The following LRMDA variants were observed in gnomAD, a reference collection of about 807,000 sequenced individuals.
LRMDA encodes leucine rich melanocyte differentiation associated.
LRMDA carries 18 observed loss-of-function variants against 29.8 expected under a neutral mutation model. The observed-to-expected ratio is 0.60, with a 90% confidence interval of 0.42 to 0.90. The LOEUF is 0.90. LRMDA is among the 40% of genes least tolerant of loss of function. LRMDA has a pLI of 0.00. For missense variants in LRMDA, 273 were observed against 273.9 expected (o/e 1.00, Z 0.02); for synonymous variants, 125 against 109.4 (o/e 1.14, Z -0.89).
chr10:76,211,771 A>G (rs1851638194), intron 5 of LRMDA, among the ~76,000 whole-genome samples: 1 of 152,206 alleles, frequency 6.6e-6, no homozygotes, highest in Non-Finnish European at 1.5e-5. Flanking sequence ...GCAATTCCTT[A>G]GTTTGTTGTT....
chr10:75,606,001 G>T (rs1840951681), intron 2 of LRMDA, among the ~76,000 whole-genome samples: 1 of 152,154 alleles, frequency 6.6e-6, no homozygotes, highest in South Asian at 2.1e-4. Flanking sequence ...GTAACTACAG[G>T]TGTGCACCAC....
intron 6 of LRMDA, among the ~76,000 whole-genome samples, chr10:76,503,992 T>C (rs767360906): frequency 3.3e-5 from 5 of 151,820 alleles, no homozygotes; most frequent in Non-Finnish European, 7.4e-5. Flanking sequence ...TTTAACACTG[T>C]TTTAGCTGCA....
At chr10:76,087,372 T>A (rs117737443) in intron 5 of LRMDA, among the ~76,000 whole-genome samples, 1 of 152,324 alleles carries the variant, frequency 6.6e-6, no homozygotes, top group East Asian at 1.9e-4. Flanking sequence ...GGGTTATCTC[T>A]GAGGTTCCTA....
chr10:75,463,382 T>A (rs1048673398), intron 2 of LRMDA, among the ~76,000 whole-genome samples: 1 of 152,024 alleles, frequency 6.6e-6, no homozygotes, highest in African/African-American at 2.4e-5. Flanking sequence ...CGTCAAGGAG[T>A]TCAGTCCATT....
intron 2 of LRMDA, among the ~76,000 whole-genome samples, chr10:75,817,290 A>G (rs1022740015): frequency 3.9e-5 from 6 of 152,196 alleles, no homozygotes; most frequent in African/African-American, 1.4e-4. Flanking sequence ...TTGTTTTAAT[A>G]TAAGGAGGTT....
chr10:76,210,172 T>A (rs1851610710), intron 5 of LRMDA, among the ~76,000 whole-genome samples: 1 of 152,082 alleles, frequency 6.6e-6, no homozygotes, highest in Admixed American at 6.6e-5. Flanking sequence ...ATACACAAAA[T>A]TAAGCATTTC....
At chr10:75,799,259 A>G (rs1303127109) in intron 2 of LRMDA, among the ~76,000 whole-genome samples, 1 of 152,220 alleles carries the variant, frequency 6.6e-6, no homozygotes, top group African/African-American at 2.4e-5. Flanking sequence ...GTGCACACAT[A>G]TTTATGATTC....
chr10:76,536,388 G>A (rs937977765), intron 6 of LRMDA, among the ~76,000 whole-genome samples: 1 of 151,850 alleles, frequency 6.6e-6, no homozygotes, highest in African/African-American at 2.4e-5. Flanking sequence ...CTAGGGTGAT[G>A]GTTCTCAAGG....
At chr10:76,401,227 T>C (rs557369919) in intron 6 of LRMDA, among the ~76,000 whole-genome samples, 10 of 152,252 alleles carry the variant, frequency 6.6e-5, no homozygotes, top group Middle Eastern at 3.4e-3. Flanking sequence ...AGTGACTCAA[T>C]GGATGGTATG....
intron 5 of LRMDA, among the ~76,000 whole-genome samples, chr10:76,225,666 G>C (rs547541873): frequency 1.7e-3 from 254 of 151,178 alleles, no homozygotes; most frequent in Non-Finnish European, 3.3e-3. Context: ...TCACACTGCT[G>C]TAAAGAAATA....
chr10:75,434,772 C>T (rs1036975828), intron 1 of LRMDA, among the ~76,000 whole-genome samples: 15 of 152,142 alleles, frequency 9.9e-5, no homozygotes, highest in Non-Finnish European at 1.5e-4. Context: ...AATTTAAAAT[C>T]GAGGATCTCC....
intron 6 of LRMDA, among the ~76,000 whole-genome samples, chr10:76,414,973 T>G (rs1423480807): frequency 6.6e-6 from 1 of 152,244 alleles, no homozygotes; most frequent in Non-Finnish European, 1.5e-5. Flanking sequence ...CATAAGCACT[T>G]GGTTCTTTGG....
At chr10:76,428,527 A>G (rs771724784) in intron 6 of LRMDA, among the ~76,000 whole-genome samples, 5 of 152,168 alleles carry the variant, frequency 3.3e-5, no homozygotes, top group African/African-American at 1.2e-4. Context: ...CAGGCCCCAC[A>G]TTAACTGTGC....
intron 2 of LRMDA, among the ~76,000 whole-genome samples, chr10:75,912,704 T>C (rs1339840968): frequency 3.3e-5 from 5 of 152,178 alleles, no homozygotes; most frequent in Non-Finnish European, 4.4e-5. Context: ...GGCTGAGACA[T>C]GTAGCCTTGC....
intron 2 of LRMDA, among the ~76,000 whole-genome samples, chr10:75,467,956 T>TCACACA (rs61295526): frequency 0.061 from 7,950 of 129,930 alleles, 274 homozygotes; most frequent in African/African-American, 0.09. Flanking sequence ...TGAGACTCCG[T>TCACACA]CACACACACA....
chr10:75,829,652 CT>C (rs1844305370), intron 2 of LRMDA, among the ~76,000 whole-genome samples: 1 of 151,746 alleles, frequency 6.6e-6, no homozygotes, highest in Non-Finnish European at 1.5e-5. Context: ...CATGAAATAT[CT>C]TAGGTTTGAA....
intron 5 of LRMDA, among the ~76,000 whole-genome samples, chr10:76,059,256 G>A (rs1404021353): frequency 2.0e-5 from 3 of 152,198 alleles, no homozygotes; most frequent in South Asian, 2.1e-4. Context: ...AGTGTGGAAG[G>A]TGATGTTTTC....
chr10:75,482,159 G>A (rs1389411279), intron 2 of LRMDA, among the ~76,000 whole-genome samples: 1 of 152,134 alleles, frequency 6.6e-6, no homozygotes, highest in Non-Finnish European at 1.5e-5. Flanking sequence ...GCATGGTCAC[G>A]GAACTTGCTC....
At chr10:76,546,626 G>A (rs1843424260) in intron 6 of LRMDA, among the ~76,000 whole-genome samples, 1 of 152,126 alleles carries the variant, frequency 6.6e-6, no homozygotes, top group African/African-American at 2.4e-5. Flanking sequence ...ATAACACCTG[G>A]ACCCAGCTCT....
Sources: gnomAD v4.1 joint callset for allele counts (sites outside exome capture counted in the v4.1 genomes callset) on GRCh38, gnomAD v4.1.1 for gene constraint, MANE v1.5 for transcripts, NCBI Gene and HGNC (gene_info 2026-07-23, HGNC 2026-07-21) for gene names.